Variants in ZNRF3 observed in about 807,000 individuals in gnomAD.
ZNRF3 encodes the protein E3 ubiquitin-protein ligase ZNRF3.
In ZNRF3, 23 loss-of-function variants were observed where a neutral mutation model predicts 72.5. That is an observed-to-expected ratio of 0.32 (90% CI 0.23 to 0.45). The LOEUF is 0.45. ZNRF3 is among the 20% of genes least tolerant of loss of function. ZNRF3 has a pLI of 1.00. For synonymous variants in ZNRF3, 610 were observed against 545.3 expected (o/e 1.12, Z -1.65); for missense variants, 1,169 against 1,272.1 (o/e 0.92, Z 1.23).
At chr22:28,950,895 T>C (rs1232554719) in intron 1 of ZNRF3, among the ~76,000 whole-genome samples, 2 of 152,212 alleles carry the variant, frequency 1.3e-5, no homozygotes, top group African/African-American at 2.4e-5. Context: ...TCCTCTTTTA[T>C]ATCTTGCCAA....
intron 2 of ZNRF3, among the ~76,000 whole-genome samples, chr22:29,019,377 A>G (rs1395711377): frequency 6.6e-6 from 1 of 152,192 alleles, no homozygotes; most frequent in Non-Finnish European, 1.5e-5. Flanking sequence ...TCAATCATGT[A>G]TCTTCCTTCT....
intron 2 of ZNRF3, among the ~76,000 whole-genome samples, chr22:29,017,797 A>T (rs4823005): frequency 6.6e-6 from 1 of 151,888 alleles, no homozygotes; most frequent in Non-Finnish European, 1.5e-5. Flanking sequence ...GTCAACCAGG[A>T]TGAGTGCAGA....
intron 1 of ZNRF3, among the ~76,000 whole-genome samples, chr22:28,951,095 T>C (rs552282241): frequency 6.6e-6 from 1 of 152,374 alleles, no homozygotes; most frequent in Admixed American, 6.5e-5. Context: ...TGTGGTATTA[T>C]AGACTTTTGG....
rs139393664 is a variant in ZNRF3, at chr22:28,897,779, G to A, written c.300+13713G>A. 7.9e-3 allele frequency among the ~76,000 whole-genome samples: 1,196 copies of A among 152,286 alleles called. 7 individuals are homozygous for A. Among genetic ancestry groups the A allele is most frequent in the African/African-American group, 9.6e-3 (398 of 41,558 alleles). On this transcript the variant is annotated intron_variant, in intron 1 of 8. Coordinates refer to ENST00000544604, the MANE Select transcript of ZNRF3 (RefSeq NM_001206998.2). ...TGAAGCTTTTTCCTGGGTTCCACCA[G>A]TGTGTTCCTTTGAATCAGAGCACTC...
chr22:28,920,455 G>A (rs1241223686), intron 1 of ZNRF3, among the ~76,000 whole-genome samples: 1 of 151,568 alleles, frequency 6.6e-6, no homozygotes, highest in East Asian at 1.9e-4. Context: ...ATTTTTAGTA[G>A]AAATGGGGTT....
chr22:29,033,085 C>A (rs142231831), intron 2 of ZNRF3, among the ~76,000 whole-genome samples: 3,954 of 151,608 alleles, frequency 0.026, 82 homozygotes, highest in African/African-American at 0.059. Context: ...TGTGGTGGCT[C>A]AGGCCTGTAA....
At chr22:28,982,956 TAAACTGG>T (rs1355530948) in intron 1 of ZNRF3, among the ~76,000 whole-genome samples, 2 of 151,942 alleles carry the variant, frequency 1.3e-5, no homozygotes, top group Non-Finnish European at 2.9e-5. Context: ...ACTGGAGATG[TAAACTGG>T]AATAAGGAGC....
chr22:29,053,679 T>G lies in ZNRF3; in HGVS notation c.*57T>G. ...AACTGTATGGAGACTCCAAACTGAC[T>G]TCTTTCAAAAAACAAAAACAAAAAA... On this transcript the variant is annotated 3_prime_UTR_variant, in exon 9 of 9. Coordinates refer to ENST00000544604, the MANE Select transcript of ZNRF3 (RefSeq NM_001206998.2). 6.6e-7 allele frequency: 1 copy of G among 1,526,248 alleles called. No individual in the cohort carries two copies. Among genetic ancestry groups the G allele is most frequent in the Non-Finnish European group, 8.9e-7 (1 of 1,129,804 alleles). 94.5% of individuals were successfully genotyped at this position (1,526,248 alleles called of 1,614,324 possible). A position where few individuals can be genotyped will look rare whatever the true frequency, so the allele number is the denominator to read the frequency against.
chr22:28,954,314 T>C (rs1601598020), intron 1 of ZNRF3, among the ~76,000 whole-genome samples: 1 of 152,204 alleles, frequency 6.6e-6, no homozygotes. Context: ...GTCTTCTTGC[T>C]GTATCCTCCT....
chr22:28,936,173 G>C (rs2034816751), intron 1 of ZNRF3, among the ~76,000 whole-genome samples: 1 of 152,100 alleles, frequency 6.6e-6, no homozygotes, highest in Non-Finnish European at 1.5e-5. Context: ...ATCTTGCAAA[G>C]GTCTTTCAGC....
Position 29,048,632 on chromosome 22 carries a change from G to A in ZNRF3, c.1015+141G>A. ...AGGCCTGGCAGCCCTGGGTTTTGGA[G>A]GTTGTCTGCACGACCCTTAGGAGAG... On this transcript the variant is annotated intron_variant, in intron 7 of 8. Coordinates refer to ENST00000544604, the MANE Select transcript of ZNRF3 (RefSeq NM_001206998.2). The surrounding 1 kb of genome is among the most constrained non-coding windows in gnomAD (Gnocchi z 4.9). 1.3e-6 allele frequency: 1 copy of A among 778,772 alleles called. No individual in the cohort carries two copies. Among genetic ancestry groups the A allele is most frequent in the Non-Finnish European group, 2.1e-6 (1 of 470,720 alleles). The allele number at this position is 778,772 out of a possible 1,614,324, so 48.2% of individuals were successfully genotyped here. A position where few individuals can be genotyped will look rare whatever the true frequency, so the allele number is the denominator to read the frequency against.
intron 2 of ZNRF3, among the ~76,000 whole-genome samples, chr22:28,998,647 CT>C (rs1263543084): frequency 6.6e-6 from 1 of 151,958 alleles, no homozygotes; most frequent in Non-Finnish European, 1.5e-5. Flanking sequence ...TAATTTGATG[CT>C]TTTCATCTAC....
intron 1 of ZNRF3, among the ~76,000 whole-genome samples, chr22:28,963,281 TG>T (rs1239265977): frequency 6.6e-6 from 1 of 152,176 alleles, no homozygotes; most frequent in Non-Finnish European, 1.5e-5. Context: ...GACAGTGACT[TG>T]GGTTCTTTAA....
At chr22:29,031,624 A>C in intron 2 of ZNRF3, 1 of 985,584 alleles carries the variant, frequency 1.0e-6, no homozygotes, top group South Asian at 4.7e-5. Context: ...GAAAGGAAAA[A>C]GTGAGGAGTA....
intron 1 of ZNRF3, among the ~76,000 whole-genome samples, chr22:28,947,827 A>G (rs2035080652): frequency 1.3e-5 from 2 of 152,114 alleles, no homozygotes; most frequent in Non-Finnish European, 2.9e-5. Flanking sequence ...AATGGTTAAA[A>G]ACACATTACA....
intron 2 of ZNRF3, among the ~76,000 whole-genome samples, chr22:29,015,087 G>C (rs1026006106): frequency 3.3e-5 from 5 of 152,032 alleles, no homozygotes; most frequent in Non-Finnish European, 7.4e-5. Context: ...TCTGCCTCCT[G>C]TCTGCTAAGA....
At chr22:28,986,902 G>A in intron 1 of ZNRF3, 174 bp from the exon 2 acceptor site, 1 of 822,720 alleles carries the variant, frequency 1.2e-6, no homozygotes, top group East Asian at 2.9e-5. Context: ...GTTCTCCCCA[G>A]TGCTCAGCTC....
intron 1 of ZNRF3, among the ~76,000 whole-genome samples, chr22:28,969,608 G>T (rs2035534316): frequency 6.6e-6 from 1 of 152,152 alleles, no homozygotes; most frequent in African/African-American, 2.4e-5. Context: ...GAAAGAGACT[G>T]GCAGAAGAGA....
intron 1 of ZNRF3, chr22:28,986,728 G>A: frequency 4.8e-6 from 4 of 841,060 alleles, no homozygotes; most frequent in Non-Finnish European, 4.3e-6. Context: ...TTGCTACTTA[G>A]TGTTAAATTT....
Sources: allele counts gnomAD v4.1 joint callset (sites outside exome capture counted in the v4.1 genomes callset), GRCh38; gene constraint gnomAD v4.1.1; non-coding constraint Gnocchi (gnomAD v3.1); transcripts MANE v1.5; gene names NCBI Gene and HGNC (gene_info 2026-07-23, HGNC 2026-07-21).